ERICH1: variants seen among roughly 807,000 people sequenced by gnomAD.
The protein encoded by ERICH1 is glutamate rich 1, also known as glutamate-rich protein 1.
A neutral mutation model predicts 39.6 loss-of-function variants in ERICH1; 56 were observed. The observed-to-expected ratio is 1.41, with a 90% CI of 1.14 to 1.77. The LOEUF (loss-of-function observed/expected upper bound fraction) is 1.77, where lower values mean the gene tolerates loss of function less well. Ranked by LOEUF, ERICH1 falls within the 40% of genes most tolerant of loss-of-function variation. ERICH1 has a pLI of 0.00. For synonymous variants in ERICH1, 313 were observed against 223.6 expected, an observed-to-expected ratio of 1.40 and a Z score of -3.57; for missense variants, 826 against 575.4, an observed-to-expected ratio of 1.44 and a Z score of -4.45.
At chr8:669,060 C>T (rs1344924909) in intron 4 of ERICH1, 15 of 459,462 alleles carry the variant, frequency 3.3e-5, no homozygotes, top group South Asian at 8.3e-5. Flanking sequence ...TCTGGTGAGA[C>T]GCCTCCCCTG....
At chr8:678,119 G>C (rs1444817684) in intron 3 of ERICH1, among the ~76,000 whole-genome samples, 2 of 151,908 alleles carry the variant, frequency 1.3e-5, no homozygotes, top group Admixed American at 1.3e-4. Context: ...ATGTGTATGC[G>C]TGTACTTTTG....
chr8:662,926 G>C (rs1801647168), downstream of ERICH1, among the ~76,000 whole-genome samples: 1 of 152,158 alleles, frequency 6.6e-6, no homozygotes, highest in Admixed American at 6.5e-5. Context: ...GATGCCAAAA[G>C]ACGGTGAAGC....
intron 2 of ERICH1, among the ~76,000 whole-genome samples, chr8:700,064 C>T (rs1182595154): frequency 1.4e-5 from 2 of 139,872 alleles, no homozygotes; most frequent in Non-Finnish European, 3.1e-5. Flanking sequence ...CGCGCACAGG[C>T]CCTCACAGGC....
At chr8:698,974 C>A (rs1025650964) in intron 2 of ERICH1, among the ~76,000 whole-genome samples, 16 of 150,488 alleles carry the variant, frequency 1.1e-4, no homozygotes, top group African/African-American at 3.9e-4. Flanking sequence ...CCAAGCACAA[C>A]TGCTGTGCGT....
At chr8:729,939 T>C (rs1030026722) in intron 1 of ERICH1, among the ~76,000 whole-genome samples, 2 of 152,124 alleles carry the variant, frequency 1.3e-5, no homozygotes, top group African/African-American at 4.8e-5. Flanking sequence ...GAGTGTGTTG[T>C]GGTTTAAAAC....
Position 644,672 on chromosome 8 carries a change from G to A in ERICH1, c.976+23926C>T, listed in dbSNP as rs1206302223. 4.4e-5 allele frequency among the ~76,000 whole-genome samples: 3 copies of A among 68,624 alleles called. 1 individual carries two copies. The highest frequency in any genetic ancestry group is 9.1e-5 in the Non-Finnish European group (2 of 21,934). The allele number at this position is 68,624 out of a possible 152,430, so 45.0% of individuals were successfully genotyped here. ...TGAGTGGTGTTCAGGGCGCAGCTGC[G>A]TCTCTCCCTCCCTGCCCCAGTGTTG... On this transcript the variant is annotated intron_variant, in intron 3 of 3. Transcript: ENST00000522706.
At chr8:722,055 G>T (rs910086682) in intron 1 of ERICH1, among the ~76,000 whole-genome samples, 1 of 152,006 alleles carries the variant, frequency 6.6e-6, no homozygotes, top group Admixed American at 6.6e-5. Context: ...TTGCAGTCAC[G>T]ACGACTCCGT....
chr8:684,409 CA>C (rs1806835075), intron 3 of ERICH1, among the ~76,000 whole-genome samples: 1 of 151,988 alleles, frequency 6.6e-6, no homozygotes, highest in Admixed American at 6.6e-5. Flanking sequence ...AATGTATCCA[CA>C]AAAAAATGTT....
exon 4 of ERICH1, chr8:614,945 G>T: frequency 3.1e-6 from 1 of 324,462 alleles, no homozygotes; most frequent in Non-Finnish European, 5.6e-6. Flanking sequence ...CACTTATTAG[G>T]AGAGGGACAA....
chr8:629,623 C>G (rs1158740905), intron 3 of ERICH1, among the ~76,000 whole-genome samples: 228 of 100,076 alleles, frequency 2.3e-3, no homozygotes, highest in African/African-American at 8.6e-3. Flanking sequence ...CCGCCTGTGA[C>G]CACCCCAGAG....
chr8:690,122 G>C (rs1171337963), intron 3 of ERICH1, among the ~76,000 whole-genome samples: 1 of 152,130 alleles, frequency 6.6e-6, no homozygotes, highest in African/African-American at 2.4e-5. Context: ...TTTCTGTCTA[G>C]AGCCAAGACC....
chr8:728,983 T>G (rs1346200381), intron 1 of ERICH1, among the ~76,000 whole-genome samples: 5 of 152,128 alleles, frequency 3.3e-5, no homozygotes, highest in Non-Finnish European at 1.5e-5. Flanking sequence ...CACCTCATGT[T>G]TCTTGGTCTG....
At chr8:703,096 T>G (rs923087039) in intron 2 of ERICH1, among the ~76,000 whole-genome samples, 3 of 152,202 alleles carry the variant, frequency 2.0e-5, no homozygotes, top group Admixed American at 1.3e-4. Flanking sequence ...CCTTCCGAAT[T>G]TCAGGCAGAA....
chr8:696,781 C>T (rs142674644), intron 2 of ERICH1, among the ~76,000 whole-genome samples: 62 of 78,280 alleles, frequency 7.9e-4, no homozygotes, highest in Admixed American at 1.1e-3. Context: ...CATCAGCCTG[C>T]GCTCGCTCCT....
Position 681,489 on chromosome 8 carries a change from T to C in ERICH1, c.305-7442A>G, listed in dbSNP as rs149905964. Among the ~76,000 whole-genome samples, 128 of 152,290 alleles carry C rather than the reference T, an allele frequency of 8.4e-4. No individual in the cohort carries two copies. The East Asian group carries it at 0.022, about 27-fold the overall frequency. The stretch of plus-strand genomic sequence containing the variant: ...AGATGGAGAAAACCTTCCTTGGGGA[T>C]TGGAGTCTCATACAAAGAATGCAAG... On this transcript the variant is annotated intron_variant, in intron 3 of 5. Coordinates refer to ENST00000262109, the MANE Select transcript of ERICH1 (RefSeq NM_207332.3).
At chr8:650,795 T>C (rs1423027273) in intron 3 of ERICH1, among the ~76,000 whole-genome samples, 2 of 152,202 alleles carry the variant, frequency 1.3e-5, no homozygotes, top group Non-Finnish European at 2.9e-5. Flanking sequence ...CCTGACCTGA[T>C]AAAGCCAGAG....
At chr8:641,780 T>A (rs764607740) in intron 3 of ERICH1, among the ~76,000 whole-genome samples, 9 of 152,118 alleles carry the variant, frequency 5.9e-5, no homozygotes, top group Non-Finnish European at 1.3e-4. Flanking sequence ...AGATGCCGCC[T>A]TGTCTATGAA....
At chr8:674,098 A>G (rs531895138) in intron 3 of ERICH1, 51 bp from the exon 4 acceptor site, 1 of 1,490,364 alleles carries the variant, frequency 6.7e-7, no homozygotes, top group South Asian at 1.4e-5. Flanking sequence ...AAACCATAAC[A>G]AACATATTAG....
intron 1 of ERICH1, among the ~76,000 whole-genome samples, chr8:720,609 A>C (rs533962144): frequency 2.6e-5 from 4 of 152,372 alleles, no homozygotes; most frequent in Non-Finnish European, 5.9e-5. Flanking sequence ...ACGACGGTCA[A>C]CACATAAAGG....
Sources: allele counts gnomAD v4.1 joint callset (sites outside exome capture counted in the v4.1 genomes callset), GRCh38; gene constraint gnomAD v4.1.1; transcripts MANE v1.5; gene names NCBI Gene and HGNC (gene_info 2026-07-23, HGNC 2026-07-21).